Variants in KCNH5 observed in about 807,000 individuals in gnomAD.
KCNH5 encodes the protein potassium voltage-gated channel subfamily H member 5.
Under a neutral mutation model 96.1 loss-of-function variants are expected in KCNH5, and 46 were observed. The observed-to-expected ratio is 0.48, with a 90% CI of 0.38 to 0.61. KCNH5 has a LOEUF of 0.61. Among genes scored for constraint, KCNH5 ranks in the 20% least tolerant of loss-of-function variants. KCNH5 has a pLI of 0.00. For missense variants in KCNH5, 907 were observed against 1,225.8 expected (o/e 0.74, Z 3.88); for synonymous variants, 439 against 449.8 (o/e 0.98, Z 0.30).
At chr14:63,038,909 T>C (rs1354911355) in intron 1 of KCNH5, among the ~76,000 whole-genome samples, 2 of 152,106 alleles carry the variant, frequency 1.3e-5, no homozygotes, top group Admixed American at 1.3e-4. Context: ...ATGCTGAGGA[T>C]TTTTTTACAT....
At chr14:63,008,469 G>A (rs1335808531) in intron 2 of KCNH5, among the ~76,000 whole-genome samples, 1 of 151,266 alleles carries the variant, frequency 6.6e-6, no homozygotes, top group Non-Finnish European at 1.5e-5. Context: ...GAAATTACAG[G>A]GTAACTCAAG....
chr14:62,888,695 G>C (rs1412732171), intron 7 of KCNH5, among the ~76,000 whole-genome samples: 1 of 152,106 alleles, frequency 6.6e-6, no homozygotes, highest in African/African-American at 2.4e-5. Flanking sequence ...AAGTTTCTGT[G>C]CATATGTTGA....
chr14:63,027,935 A>G (rs1891555819), intron 1 of KCNH5, among the ~76,000 whole-genome samples: 2 of 152,126 alleles, frequency 1.3e-5, no homozygotes, highest in Admixed American at 6.6e-5. Context: ...ACAATTGAAA[A>G]AATTTCTCAG....
intron 6 of KCNH5, among the ~76,000 whole-genome samples, chr14:62,966,268 C>T (rs1400361571): frequency 6.6e-6 from 1 of 152,172 alleles, no homozygotes; most frequent in Non-Finnish European, 1.5e-5. Context: ...TATCATCGAT[C>T]ATGCTTATTT....
chr14:63,001,451 C>G lies in KCNH5; in HGVS notation c.313G>C (p.Val105Leu). The G allele has an allele frequency of 1.9e-6, 3 of 1,610,192 alleles. No individual in the cohort carries two copies. Among genetic ancestry groups the G allele is most frequent in the Non-Finnish European group, 2.5e-6 (3 of 1,178,486 alleles). The part of the protein sequence containing the change: ...VLLYKKNRTP[V>L]WFYMQIAPIR... ...GGTGCAATTTGCATATAAAACCAAACAGGGGTTCCTGTAACAGAAAGAAGT... is the reference window on the plus strand; with the variant it reads ...GGTGCAATTTGCATATAAAACCAAAGAGGGGTTCCTGTAACAGAAAGAAGT... Residue 105 changes from valine (V) to leucine (L), a missense_variant, in exon 4 of 11, where the codon GTT becomes CTT. Val to Leu is a conservative substitution (Grantham distance 32). This residue lies in a region of KCNH5 where 370 missense variants were observed against 561.3 expected (regional missense o/e 0.66). Coordinates refer to ENST00000322893, the MANE Select transcript of KCNH5 (RefSeq NM_139318.5).
chr14:62,814,400 G>T (rs1030665273), intron 8 of KCNH5, among the ~76,000 whole-genome samples: 1 of 151,982 alleles, frequency 6.6e-6, no homozygotes, highest in African/African-American at 2.4e-5. Context: ...GCAGATATTT[G>T]ACTAAATAAC....
Position 63,037,245 on chromosome 14 carries a change from G to A in KCNH5, c.73+7869C>T, listed in dbSNP as rs776663919. ...CTAGGTACAAGTAAGTTAAGTCACC[G>A]AGCTAGTAAGTGTCAGAGCCAGGAC... On this transcript the variant is annotated intron_variant, in intron 1 of 10. Coordinates refer to ENST00000322893, the MANE Select transcript of KCNH5 (RefSeq NM_139318.5). 1.6e-4 allele frequency among the ~76,000 whole-genome samples: 24 copies of A among 152,136 alleles called. No homozygotes were observed. In the East Asian group the frequency reaches 3.1e-3, roughly 20 times the overall value.
intron 7 of KCNH5, among the ~76,000 whole-genome samples, chr14:62,911,970 G>A (rs555733559): frequency 4.2e-4 from 63 of 149,978 alleles, no homozygotes; most frequent in Non-Finnish European, 6.9e-4. Context: ...ACCGGGAGGC[G>A]GATGTTGCAG....
Position 62,715,130 on chromosome 14 carries a change from T to C in KCNH5, c.2020-6675A>G, listed in dbSNP as rs544679614. The stretch of plus-strand genomic sequence containing the variant: ...CCAACTGAGCTTTCCATTTCAAAAG[T>C]AGGACATTTGATCATAAAAGTGATA... On this transcript the variant is annotated intron_variant, in intron 10 of 10. Coordinates refer to ENST00000322893, the MANE Select transcript of KCNH5 (RefSeq NM_139318.5). Among the ~76,000 whole-genome samples, 5 of 152,268 alleles carry C rather than the reference T, an allele frequency of 3.3e-5. No homozygotes were observed. The South Asian group carries it at 8.3e-4, about 25-fold the overall frequency.
chr14:62,927,394 C>A (rs765101463), intron 7 of KCNH5, among the ~76,000 whole-genome samples: 9 of 152,078 alleles, frequency 5.9e-5, no homozygotes, highest in Non-Finnish European at 1.3e-4. Context: ...GGATAGATAT[C>A]CAAAAGAATT....
chr14:62,870,513 C>T (rs1395809609), intron 7 of KCNH5, among the ~76,000 whole-genome samples: 1 of 152,072 alleles, frequency 6.6e-6, no homozygotes, highest in Non-Finnish European at 1.5e-5. Flanking sequence ...TGGCAGATCA[C>T]ACACATAAAA....
rs181277050 is a variant in KCNH5, at chr14:63,040,567, G to T, written c.73+4547C>A. On this transcript the variant is annotated intron_variant, in intron 1 of 10. Transcript: ENST00000322893. ...TCAGTATTTCCTGAATAGTGTCTTA[G>T]ATATTAAAGAAAACCTTTCAAGAAA... 1.5e-4 allele frequency among the ~76,000 whole-genome samples: 23 copies of T among 152,192 alleles called. No individual in the cohort carries two copies. In the East Asian group the frequency reaches 3.9e-3, roughly 25 times the overall value.
intron 10 of KCNH5, among the ~76,000 whole-genome samples, chr14:62,737,325 T>C (rs1483840692): frequency 6.6e-6 from 1 of 152,198 alleles, no homozygotes; most frequent in East Asian, 1.9e-4. Flanking sequence ...GGCATATCTA[T>C]TGCATGAATA....
chr14:62,916,900 CCA>C (rs926862948), intron 7 of KCNH5, among the ~76,000 whole-genome samples: 74 of 152,240 alleles, frequency 4.9e-4, no homozygotes, highest in African/African-American at 1.7e-3. Flanking sequence ...ATAGCAGAGC[CCA>C]CATTGTATAC....
chr14:62,779,813 G>C lies in KCNH5; in HGVS notation c.1934C>G (p.Ala645Gly). ...ATAAAAGTCCAGGACTTTGAGCAAG[G>C]CTTCCCGCTTGATGATGTGTAGGTC... is the stretch of plus-strand genomic sequence containing the variant. ...YCDLHIIKRE[A>G]LLKVLDFYTA... The change falls in exon 10 of 11, where the codon GCC (alanine) becomes GGC (glycine). Residue 645 changes from alanine to glycine, a missense_variant. Coordinates refer to ENST00000322893, the MANE Select transcript of KCNH5 (RefSeq NM_139318.5). The C allele has an allele frequency of 6.2e-7, 1 of 1,613,996 alleles. No individual in the cohort carries two copies. Among genetic ancestry groups the C allele is most frequent in the Non-Finnish European group, 8.5e-7 (1 of 1,179,890 alleles).
intron 1 of KCNH5, among the ~76,000 whole-genome samples, chr14:63,018,797 G>C (rs1891374693): frequency 6.6e-6 from 1 of 151,992 alleles, no homozygotes; most frequent in Non-Finnish European, 1.5e-5. Flanking sequence ...ACAATGTATT[G>C]ATATAATGTC....
chr14:62,910,273 TG>T (rs1428655603), intron 7 of KCNH5, among the ~76,000 whole-genome samples: 2 of 152,072 alleles, frequency 1.3e-5, no homozygotes, highest in African/African-American at 2.4e-5. Context: ...GCAAACATCA[TG>T]CTTATTATGA....
At chr14:62,804,971 AC>A (rs1369411305) in intron 8 of KCNH5, among the ~76,000 whole-genome samples, 1 of 152,184 alleles carries the variant, frequency 6.6e-6, no homozygotes, top group African/African-American at 2.4e-5. Flanking sequence ...TGGTTTCCAG[AC>A]AGAATTAAGA....
chr14:62,718,105 G>T (rs891021475), intron 10 of KCNH5, among the ~76,000 whole-genome samples: 2 of 151,990 alleles, frequency 1.3e-5, no homozygotes, highest in Admixed American at 6.6e-5. Flanking sequence ...ACAGACACTG[G>T]GGACTCTAAA....
Sources: gnomAD v4.1 joint callset for allele counts (sites outside exome capture counted in the v4.1 genomes callset) on GRCh38, gnomAD v4.1.1 for gene constraint, gnomAD v4.1.1 regional missense constraint, MANE v1.5 for transcripts, NCBI Gene and HGNC (gene_info 2026-07-23, HGNC 2026-07-21) for gene names.